Variants in BANK1 observed in about 807,000 individuals in gnomAD.
The protein encoded by BANK1 is B cell scaffold protein with ankyrin repeats 1.
In BANK1, 95 loss-of-function variants were observed where a neutral mutation model predicts 94.5. That is an observed-to-expected ratio of 1.00 (90% confidence interval 0.85 to 1.19). The LOEUF is 1.19. Ranked by LOEUF, BANK1 falls within the 50% of genes most tolerant of loss-of-function variation. The probability of loss-of-function intolerance (pLI) is 0.00; values close to 1 mark genes in which losing one functional copy is unlikely to be tolerated. For missense variants in BANK1, 987 were observed against 932.2 expected (o/e 1.06, Z -0.77); for synonymous variants, 334 against 308.4 (o/e 1.08, Z -0.87).
chr4:101,866,116 A>T (rs755296818), intron 4 of BANK1, among the ~76,000 whole-genome samples: 1 of 152,208 alleles, frequency 6.6e-6, no homozygotes, highest in Non-Finnish European at 1.5e-5. Flanking sequence ...TGGAAAATGT[A>T]TGAAAGAACA....
intron 7 of BANK1, among the ~76,000 whole-genome samples, chr4:101,989,103 T>G (rs1478861930): frequency 1.3e-5 from 2 of 152,142 alleles, no homozygotes; most frequent in Non-Finnish European, 2.9e-5. Flanking sequence ...GCAGAAGGAC[T>G]GCTTGAGCCA....
intron 7 of BANK1, among the ~76,000 whole-genome samples, chr4:101,965,179 A>G (rs558180545): frequency 4.0e-5 from 6 of 151,882 alleles, no homozygotes; most frequent in African/African-American, 1.5e-4. Flanking sequence ...ACCTATTCCT[A>G]TGTCTAATAT....
intron 5 of BANK1, among the ~76,000 whole-genome samples, chr4:101,873,557 A>G (rs1728378091): frequency 6.6e-6 from 1 of 152,204 alleles, no homozygotes; most frequent in South Asian, 2.1e-4. Context: ...TGTGAATTTG[A>G]GAAAAGAAGT....
At chr4:101,949,237 T>C (rs535976685) in intron 7 of BANK1, among the ~76,000 whole-genome samples, 2 of 152,226 alleles carry the variant, frequency 1.3e-5, no homozygotes, top group East Asian at 3.9e-4. Context: ...CATCCTAACC[T>C]GGACATGTTA....
chr4:101,824,531 T>TAACATTCC (rs1193291711), intron 1 of BANK1, among the ~76,000 whole-genome samples: 1 of 152,210 alleles, frequency 6.6e-6, no homozygotes, highest in East Asian at 1.9e-4. Context: ...GTACTAGAAA[T>TAACATTCC]AACAGTACAA....
At chr4:101,829,228 C>T (rs1488260946) in intron 1 of BANK1, among the ~76,000 whole-genome samples, 1 of 151,974 alleles carries the variant, frequency 6.6e-6, no homozygotes, top group Non-Finnish European at 1.5e-5. Context: ...AGAGCTGGTT[C>T]CTTTATCTTT....
chr4:101,945,641 C>T (rs1723902455), intron 7 of BANK1, among the ~76,000 whole-genome samples: 1 of 151,866 alleles, frequency 6.6e-6, no homozygotes, highest in African/African-American at 2.4e-5. Flanking sequence ...TGTTCCTACT[C>T]AACTCAGAGA....
chr4:102,039,748 A>G (rs1014705756), intron 10 of BANK1, among the ~76,000 whole-genome samples: 2 of 152,148 alleles, frequency 1.3e-5, no homozygotes, highest in South Asian at 2.1e-4. Context: ...CGACTTGGCC[A>G]TGTAGTTAGC....
chr4:101,915,126 G>A (rs1196245511), intron 6 of BANK1, among the ~76,000 whole-genome samples: 1 of 152,030 alleles, frequency 6.6e-6, no homozygotes, highest in African/African-American at 2.4e-5. Context: ...AAATAATGAG[G>A]ACCAACAGTA....
intron 13 of BANK1, among the ~76,000 whole-genome samples, chr4:102,069,617 C>G (rs1440225593): frequency 6.6e-6 from 1 of 152,160 alleles, no homozygotes; most frequent in Non-Finnish European, 1.5e-5. Context: ...CAGATAAATG[C>G]TTGTGTTCAC....
At chr4:102,041,569 G>A (rs763346731) in intron 10 of BANK1, among the ~76,000 whole-genome samples, 1 of 152,046 alleles carries the variant, frequency 6.6e-6, no homozygotes, top group Non-Finnish European at 1.5e-5. Flanking sequence ...AGCTGCAAGT[G>A]AATTAAAAGA....
At chr4:101,856,301 G>T (rs1727677523) in intron 3 of BANK1, among the ~76,000 whole-genome samples, 1 of 152,132 alleles carries the variant, frequency 6.6e-6, no homozygotes, top group Non-Finnish European at 1.5e-5. Context: ...CACTACCTTA[G>T]AGACCCCAGG....
chr4:101,988,356 G>A (rs765902961), intron 7 of BANK1, among the ~76,000 whole-genome samples: 9 of 151,992 alleles, frequency 5.9e-5, no homozygotes, highest in Middle Eastern at 3.2e-3. Flanking sequence ...CTATAATTTC[G>A]CTTGTAGGGA....
In BANK1 at chr4:102,030,179, C is replaced by A. The variant is rs755483293; in HGVS notation, c.1814C>A (p.Ser605Tyr). 3 of 1,613,974 alleles carry A rather than the reference C, an allele frequency of 1.9e-6. No individual in the cohort carries two copies. Among genetic ancestry groups the A allele is most frequent in the Non-Finnish European group, 2.5e-6 (3 of 1,179,946 alleles). The change falls in exon 10 of 17, where the codon TCT becomes TAT. Residue 605 changes from serine to tyrosine, a missense_variant. Coordinates refer to ENST00000322953, the MANE Select transcript of BANK1 (RefSeq NM_017935.5). The part of the protein sequence containing the change: ...LSIKKKTGSR[S>Y]FIINRPPAPT... ...ATAAAGAAAAAAACTGGGAGTCGGT[C>A]TTTCATTATAAATAGACCTCCTGCC...
intron 7 of BANK1, among the ~76,000 whole-genome samples, chr4:101,953,965 T>C (rs73834504): frequency 9.7e-4 from 148 of 152,268 alleles, no homozygotes; most frequent in African/African-American, 3.4e-3. Context: ...TTCATAGTAC[T>C]GCAGGCTAGA....
intron 7 of BANK1, among the ~76,000 whole-genome samples, chr4:101,922,959 C>A (rs1723045387): frequency 6.6e-6 from 1 of 151,784 alleles, no homozygotes; most frequent in African/African-American, 2.4e-5. Flanking sequence ...ATGTAAACTC[C>A]CTTAAATCTT....
intron 2 of BANK1, among the ~76,000 whole-genome samples, chr4:101,836,930 G>A (rs978823367): frequency 2.0e-5 from 3 of 151,990 alleles, no homozygotes; most frequent in Non-Finnish European, 2.9e-5. Context: ...CTGTATCTCC[G>A]TGCCCATTTC....
At chr4:101,821,909 A>G (rs1274634177) in intron 1 of BANK1, among the ~76,000 whole-genome samples, 1 of 152,130 alleles carries the variant, frequency 6.6e-6, no homozygotes, top group Non-Finnish European at 1.5e-5. Flanking sequence ...TTCTCATCTG[A>G]TATTCTGATG....
intron 3 of BANK1, 78 bp downstream of exon 3, chr4:101,855,267 C>A: frequency 7.0e-7 from 1 of 1,436,806 alleles, no homozygotes; most frequent in Non-Finnish European, 9.4e-7. Context: ...TTTGGAGAGA[C>A]AGGGTCTCAT....
Sources: allele counts gnomAD v4.1 joint callset (sites outside exome capture counted in the v4.1 genomes callset), GRCh38; gene constraint gnomAD v4.1.1; transcripts MANE v1.5; gene names NCBI Gene and HGNC (gene_info 2026-07-23, HGNC 2026-07-21).